The following TENM2 variants were observed in gnomAD, a reference collection of about 807,000 sequenced individuals.
TENM2 encodes the protein teneurin transmembrane protein 2.
Under a neutral mutation model 245.2 loss-of-function variants are expected in TENM2, and 52 were observed. The observed-to-expected ratio is 0.21, with a 90% confidence interval of 0.17 to 0.27. The LOEUF is 0.27. Among genes scored for constraint, TENM2 ranks in the 10% least tolerant of loss-of-function variants. TENM2 has a pLI of 1.00. For synonymous variants in TENM2, 1,363 were observed against 1,438.9 expected, an observed-to-expected ratio of 0.95 and a Z score of 1.19; for missense variants, 3,046 against 3,666.8, an observed-to-expected ratio of 0.83 and a Z score of 4.37.
chr5:167,148,827 A>G, the TENM2 span, among the ~76,000 whole-genome samples: 1 of 152,178 alleles, frequency 6.6e-6, no homozygotes, highest in African/African-American at 2.4e-5. Context: ...TCTGGACCAT[A>G]GTATGTGCTC....
chr5:167,391,415 C>T (rs1238362358), intron 2 of TENM2, among the ~76,000 whole-genome samples: 1 of 151,940 alleles, frequency 6.6e-6, no homozygotes, highest in Non-Finnish European at 1.5e-5. Context: ...CACTTGAGGT[C>T]AAGAGTTTAA....
At chr5:166,979,851 T>C in the TENM2 span, among the ~76,000 whole-genome samples, 334 of 152,304 alleles carry the variant, frequency 2.2e-3, 3 homozygotes, top group Middle Eastern at 6.8e-3. Context: ...GGTTTCTCTC[T>C]AATGTTCATC....
intron 1 of TENM2, among the ~76,000 whole-genome samples, chr5:167,344,278 GCACGCA>G (rs1264801675): frequency 4.7e-5 from 6 of 126,760 alleles, no homozygotes; most frequent in Non-Finnish European, 8.3e-5. Context: ...ACATGCACGT[GCACGCA>G]CACACACACA....
At chr5:168,034,163 G>GTATACATATATATGTGTATATA (rs1787444982) in intron 5 of TENM2, among the ~76,000 whole-genome samples, 2 of 97,664 alleles carry the variant, frequency 2.0e-5, no homozygotes, top group South Asian at 3.0e-4. Context: ...ATATATATAT[G>GTATACATATATATGTGTATATA]TATATATATA....
In TENM2 at chr5:168,137,797, T is replaced by C. The variant is rs532963004; in HGVS notation, c.2422+10831T>C. Among the ~76,000 whole-genome samples the C allele has an allele frequency of 5.9e-5, 9 of 152,350 alleles. 1 individual carries two copies. The East Asian group carries it at 1.7e-3, about 29-fold the overall frequency. On this transcript the variant is annotated intron_variant, in intron 12 of 28. Coordinates refer to ENST00000518659, the Ensembl canonical transcript of TENM2. ...GTCCCTTAAGCATGTTACTGTCAAC[T>C]TCTTGCTATATGTTGAATATGAACT...
At chr5:168,144,127 G>T (rs1468498074) in intron 12 of TENM2, among the ~76,000 whole-genome samples, 2 of 151,778 alleles carry the variant, frequency 1.3e-5, no homozygotes, top group East Asian at 3.9e-4. Context: ...CCAAAGTCCT[G>T]GGATTACAGG....
chr5:167,935,096 A>G (rs745463447), intron 3 of TENM2, among the ~76,000 whole-genome samples: 1 of 152,206 alleles, frequency 6.6e-6, no homozygotes, highest in Non-Finnish European at 1.5e-5. Flanking sequence ...AGAAAGCTAG[A>G]CAGCAATGGG....
At chr5:167,919,690 C>A (rs1474188884) in intron 3 of TENM2, among the ~76,000 whole-genome samples, 1 of 152,178 alleles carries the variant, frequency 6.6e-6, no homozygotes, top group African/African-American at 2.4e-5. Context: ...AGCTGTAGAT[C>A]TAGGTCTCAC....
chr5:167,787,894 C>T (rs565297540), intron 2 of TENM2, among the ~76,000 whole-genome samples: 2 of 152,344 alleles, frequency 1.3e-5, no homozygotes, highest in South Asian at 4.1e-4. Flanking sequence ...TGTGGTAGAG[C>T]TGAGATCATA....
At chr5:167,011,308 A>T in the TENM2 span, among the ~76,000 whole-genome samples, 34 of 152,178 alleles carry the variant, frequency 2.2e-4, no homozygotes, top group African/African-American at 8.2e-4. Flanking sequence ...AATTCTTTGT[A>T]CTATTAATCC....
At chr5:167,085,695 T>C in the TENM2 span, among the ~76,000 whole-genome samples, 1 of 152,226 alleles carries the variant, frequency 6.6e-6, no homozygotes, top group Non-Finnish European at 1.5e-5. Context: ...AGTTGTGTTT[T>C]ACTGGTTTGT....
chr5:167,090,082 G>C, the TENM2 span, among the ~76,000 whole-genome samples: 1 of 152,108 alleles, frequency 6.6e-6, no homozygotes, highest in African/African-American at 2.4e-5. Context: ...TTAATATTGA[G>C]TGCACAGGTG....
At chr5:168,168,861 A>T (rs1021117776) in intron 13 of TENM2, among the ~76,000 whole-genome samples, 1 of 152,158 alleles carries the variant, frequency 6.6e-6, no homozygotes. Context: ...CCACTCATCC[A>T]TCCATCCATC....
intron 23 of TENM2, among the ~76,000 whole-genome samples, chr5:168,223,669 G>A (rs1403396069): frequency 6.6e-6 from 1 of 151,916 alleles, no homozygotes. Context: ...GTTTCACCAT[G>A]TTGGCCAAGA....
At chr5:167,747,023 TA>T (rs1761636387) in intron 2 of TENM2, among the ~76,000 whole-genome samples, 1 of 152,158 alleles carries the variant, frequency 6.6e-6, no homozygotes, top group African/African-American at 2.4e-5. Flanking sequence ...GTATATTAAA[TA>T]AAGAGATTAG....
chr5:167,949,813 C>T (rs1378880199), intron 3 of TENM2, among the ~76,000 whole-genome samples: 1 of 152,162 alleles, frequency 6.6e-6, no homozygotes, highest in African/African-American at 2.4e-5. Flanking sequence ...ACATTTACCA[C>T]TCTGTATTGT....
At chr5:167,970,916 T>G (rs1044933726) in intron 4 of TENM2, among the ~76,000 whole-genome samples, 1 of 151,548 alleles carries the variant, frequency 6.6e-6, no homozygotes, top group Non-Finnish European at 1.5e-5. Context: ...GTGGTGGCAC[T>G]GGGGTGGGCT....
chr5:167,790,896 A>G (rs998888776), intron 2 of TENM2, among the ~76,000 whole-genome samples: 1 of 152,198 alleles, frequency 6.6e-6, no homozygotes, highest in African/African-American at 2.4e-5. Context: ...ATGTTTCTCT[A>G]TCACTGGCAG....
intron 23 of TENM2, among the ~76,000 whole-genome samples, chr5:168,219,415 A>C (rs1003076445): frequency 2.6e-5 from 4 of 152,230 alleles, no homozygotes; most frequent in African/African-American, 9.6e-5. Context: ...TTGCACAGAC[A>C]GGTAGATAAA....
Sources: allele counts gnomAD v4.1 joint callset (sites outside exome capture counted in the v4.1 genomes callset), GRCh38; gene constraint gnomAD v4.1.1; transcripts MANE v1.5; gene names NCBI Gene and HGNC (gene_info 2026-07-23, HGNC 2026-07-21).